PHACTR1: variants seen among roughly 807,000 people sequenced by gnomAD.
PHACTR1 encodes RPEL repeat containing 1.
PHACTR1 carries 16 observed loss-of-function variants against 69.2 expected under a neutral mutation model. The observed-to-expected ratio is 0.23, with a 90% CI of 0.16 to 0.35. The LOEUF (loss-of-function observed/expected upper bound fraction) is 0.35. Ranked by LOEUF, PHACTR1 falls within the 10% of genes least tolerant of loss-of-function variation. The pLI is 1.00. For synonymous variants in PHACTR1, 312 were observed against 284.5 expected (o/e 1.10, Z -0.97); for missense variants, 510 against 734.7 (o/e 0.69, Z 3.54).
chr6:13,119,288 T>C (rs1818329761), intron 5 of PHACTR1, among the ~76,000 whole-genome samples: 1 of 152,224 alleles, frequency 6.6e-6, no homozygotes, highest in East Asian at 1.9e-4. Context: ...TTTAAACTTC[T>C]AACACTACTT....
intron 4 of PHACTR1, among the ~76,000 whole-genome samples, chr6:12,967,160 C>T (rs1190469607): frequency 6.6e-6 from 1 of 152,124 alleles, no homozygotes; most frequent in Non-Finnish European, 1.5e-5. Flanking sequence ...AAAGTGTTTC[C>T]AAATACAGCA....
At chr6:13,208,892 A>C (rs1280752789) in intron 8 of PHACTR1, among the ~76,000 whole-genome samples, 1 of 152,166 alleles carries the variant, frequency 6.6e-6, no homozygotes. Flanking sequence ...TGGTGGGGGC[A>C]GGGTATGCAG....
At chr6:12,764,824 T>C (rs1376110559) in intron 4 of PHACTR1, among the ~76,000 whole-genome samples, 5 of 151,914 alleles carry the variant, frequency 3.3e-5, no homozygotes, top group African/African-American at 1.2e-4. Flanking sequence ...CTAGAGGTCA[T>C]GGATACATAT....
At chr6:13,221,536 G>A (rs1401303272) in intron 8 of PHACTR1, among the ~76,000 whole-genome samples, 2 of 152,212 alleles carry the variant, frequency 1.3e-5, no homozygotes, top group Non-Finnish European at 2.9e-5. Flanking sequence ...ATCAGGTCCT[G>A]TAGTCTGATG....
rs569710325 is a variant in PHACTR1, at chr6:13,186,011, T to C, written c.664+3325T>C. On this transcript the variant is annotated intron_variant, in intron 7 of 14. Coordinates refer to ENST00000332995, the MANE Select transcript of PHACTR1 (RefSeq NM_030948.6). The stretch of plus-strand genomic sequence containing the variant: ...TGTTGTTTCCAGAGCAGGCTGTCTT[T>C]CACGTGATACTGAGTTCTATAAGAG... 4.1e-4 allele frequency among the ~76,000 whole-genome samples: 63 copies of C among 152,298 alleles called. 1 individual carries two copies. The highest frequency in any genetic ancestry group is 1.0e-3 in the Admixed American group (16 of 15,302).
intron 4 of PHACTR1, among the ~76,000 whole-genome samples, chr6:12,836,387 A>T (rs142328744): frequency 6.6e-6 from 1 of 152,332 alleles, no homozygotes; most frequent in Non-Finnish European, 1.5e-5. Flanking sequence ...TAAAGAAATC[A>T]AAGTCAAAAC....
At chr6:13,224,225 G>C (rs1254741056) in intron 8 of PHACTR1, among the ~76,000 whole-genome samples, 1 of 152,212 alleles carries the variant, frequency 6.6e-6, no homozygotes, top group Non-Finnish European at 1.5e-5. Context: ...GGGTGGTGAA[G>C]AGAAGATAGT....
intron 4 of PHACTR1, among the ~76,000 whole-genome samples, chr6:12,858,829 A>C (rs867314799): frequency 4.3e-4 from 64 of 149,716 alleles, no homozygotes; most frequent in African/African-American, 1.4e-3. Context: ...CACACACACC[A>C]CACACACACA....
At chr6:13,229,269 G>A (rs1234355467) in intron 9 of PHACTR1, among the ~76,000 whole-genome samples, 1 of 152,180 alleles carries the variant, frequency 6.6e-6, no homozygotes, top group Non-Finnish European at 1.5e-5. Flanking sequence ...TCCGCTAGAT[G>A]CCAGTAGCAC....
chr6:12,908,320 G>A lies in PHACTR1; in HGVS notation c.251-145045G>A, dbSNP rs149800925. Among the ~76,000 whole-genome samples, 41 of 152,172 alleles carry A rather than the reference G, an allele frequency of 2.7e-4. No individual in the cohort carries two copies. The East Asian group carries it at 4.4e-3, about 16-fold the overall frequency. On this transcript the variant is annotated intron_variant, in intron 4 of 14. Transcript: ENST00000332995. ...TGAGTTTATGTAAAGAAAATAAACCGAAATTAAAAATAGAATTGGACAATA... is the reference window on the plus strand; with the variant it reads ...TGAGTTTATGTAAAGAAAATAAACCAAAATTAAAAATAGAATTGGACAATA...
chr6:12,722,457 C>A (rs1561816679), intron 3 of PHACTR1, among the ~76,000 whole-genome samples: 1 of 152,202 alleles, frequency 6.6e-6, no homozygotes, highest in Non-Finnish European at 1.5e-5. Context: ...TTGATCCACA[C>A]AGAGTTGTTT....
chr6:12,842,971 A>G (rs1537338), intron 4 of PHACTR1, among the ~76,000 whole-genome samples: 28,727 of 152,148 alleles, frequency 0.19, 2,923 homozygotes, highest in African/African-American at 0.26. Context: ...TTTGGAGGTC[A>G]CAATTTGACT....
At chr6:13,152,870 G>A (rs187514174) in intron 5 of PHACTR1, among the ~76,000 whole-genome samples, 15 of 152,244 alleles carry the variant, frequency 9.9e-5, no homozygotes, top group Non-Finnish European at 1.6e-4. Context: ...CCTTGTTTGT[G>A]GTTTCCATGG....
At chr6:12,755,265 G>A (rs188298726) in intron 4 of PHACTR1, among the ~76,000 whole-genome samples, 1 of 152,136 alleles carries the variant, frequency 6.6e-6, no homozygotes, top group East Asian at 1.9e-4. Flanking sequence ...AATATCTGAG[G>A]CAAGAGTCAG....
chr6:12,820,177 G>T (rs929385387), intron 4 of PHACTR1, among the ~76,000 whole-genome samples: 7 of 152,032 alleles, frequency 4.6e-5, no homozygotes, highest in African/African-American at 1.7e-4. Context: ...AAGTTTTTTT[G>T]TTGTTGTTTT....
intron 4 of PHACTR1, among the ~76,000 whole-genome samples, chr6:12,977,239 A>G (rs115854995): frequency 0.011 from 1,719 of 152,226 alleles, 33 homozygotes; most frequent in African/African-American, 0.04. Flanking sequence ...GGCTTGAGCT[A>G]CCGCGCCTGG....
intron 5 of PHACTR1, among the ~76,000 whole-genome samples, chr6:13,124,612 T>C (rs955651545): frequency 6.6e-6 from 1 of 152,192 alleles, no homozygotes; most frequent in Admixed American, 6.5e-5. Context: ...CACAAACCCA[T>C]GTTTGTTAGC....
At chr6:12,727,915 G>C (rs1246262147) in intron 3 of PHACTR1, among the ~76,000 whole-genome samples, 1 of 152,084 alleles carries the variant, frequency 6.6e-6, no homozygotes, top group Admixed American at 6.6e-5. Flanking sequence ...TTGGACTTCT[G>C]AAATACTAGG....
At chr6:12,883,703 TG>T (rs1783338136) in intron 4 of PHACTR1, among the ~76,000 whole-genome samples, 1 of 152,112 alleles carries the variant, frequency 6.6e-6, no homozygotes, top group African/African-American at 2.4e-5. Context: ...GTCTGAGAGC[TG>T]GAACAAGTTG....
Sources: allele counts gnomAD v4.1 joint callset (sites outside exome capture counted in the v4.1 genomes callset), GRCh38; gene constraint gnomAD v4.1.1; transcripts MANE v1.5; gene names NCBI Gene and HGNC (gene_info 2026-07-23, HGNC 2026-07-21).